Variants in DNAH14 observed in about 807,000 individuals in gnomAD.
DNAH14 encodes axonemal beta dynein heavy chain 14.
Under a neutral mutation model 520.9 loss-of-function variants are expected in DNAH14, and 478 were observed. The ratio of observed to expected loss-of-function variants is 0.92; its 90% CI spans 0.85 to 0.99. The LOEUF is 0.99. Ranked by LOEUF, DNAH14 falls within the 50% of genes least tolerant of loss-of-function variation. The pLI is 0.00. For synonymous variants in DNAH14, 1,581 were observed against 1,757.2 expected, an observed-to-expected ratio of 0.90 and a Z score of 2.51; for missense variants, 4,831 against 5,234.5, an observed-to-expected ratio of 0.92 and a Z score of 2.38.
In DNAH14 at chr1:225,307,342, A is replaced by C. The variant is rs375543785; in HGVS notation, c.9006-119A>C. On this transcript the variant is annotated intron_variant, in intron 58 of 85. Coordinates refer to ENST00000682510, the MANE Select transcript of DNAH14 (RefSeq NM_001367479.1). ...CTTTCAAATAGTGAGCCAGTCTTGC[A>C]TCTCTAGAATAAAATCCATTTGGCC... 17 of 700,232 alleles carry C rather than the reference A, an allele frequency of 2.4e-5. No homozygotes were observed. The African/African-American group carries it at 2.6e-4, about 11-fold the overall frequency. 43.4% of individuals were successfully genotyped at this position (700,232 alleles called of 1,614,324 possible).
intron 81 of DNAH14, among the ~76,000 whole-genome samples, chr1:225,387,997 CA>C (rs1379318985): frequency 6.6e-6 from 1 of 152,042 alleles, no homozygotes; most frequent in African/African-American, 2.4e-5. Context: ...AGGGAGTAGA[CA>C]GTGGGTGGCA....
At chr1:225,156,973 C>T (rs1397527040) in intron 34 of DNAH14, among the ~76,000 whole-genome samples, 1 of 109,334 alleles carries the variant, frequency 9.1e-6, no homozygotes, top group African/African-American at 3.9e-5. Flanking sequence ...CCTCGGCCTC[C>T]CGAAGTGCTG....
chr1:225,182,343 C>T (rs1192832092), intron 36 of DNAH14, among the ~76,000 whole-genome samples: 1 of 151,958 alleles, frequency 6.6e-6, no homozygotes, highest in East Asian at 1.9e-4. Flanking sequence ...CAACTGGCAC[C>T]TTAAAAAAAT....
At chr1:225,044,821 A>T (rs957001887) in intron 15 of DNAH14, among the ~76,000 whole-genome samples, 3 of 152,168 alleles carry the variant, frequency 2.0e-5, no homozygotes, top group African/African-American at 7.2e-5. Context: ...TTTCTTGCTG[A>T]GTAAAATCCA....
In DNAH14 at chr1:225,079,303, A is replaced by G; in HGVS notation, c.2521A>G (p.Ile841Val). The G allele has an allele frequency of 1.3e-6, 2 of 1,549,914 alleles. No individual in the cohort carries two copies. The highest frequency in any genetic ancestry group is 8.7e-7 in the Non-Finnish European group (1 of 1,146,582). The change falls in exon 18 of 86, where the codon ATA becomes GTA. Residue 841 changes from isoleucine (I) to valine (V), a missense_variant. Physicochemically the swap from Ile to Val is conservative, Grantham distance 29 (BLOSUM62 3). Transcript: ENST00000682510. ...TTTTTTGAATGCAATTTCCTCAAAA[A>G]TATCTAAATTAGAAAAAGAGTTCTT... is the stretch of plus-strand genomic sequence containing the variant. Reference protein sequence around the residue: ...FIFLNAISSKISKLEKEFLTM... With the variant: ...FIFLNAISSKVSKLEKEFLTM...
At chr1:225,335,027 CATACATATATACACATATATACATAT>C (rs1382076450) in intron 66 of DNAH14, among the ~76,000 whole-genome samples, 3 of 148,456 alleles carry the variant, frequency 2.0e-5, no homozygotes, top group African/African-American at 7.4e-5. Flanking sequence ...TGTATATATA[CATACATATATACACATATATACATAT>C]GTACATATAT....
chr1:225,317,716 A>C (rs2094491457), intron 60 of DNAH14, among the ~76,000 whole-genome samples: 1 of 152,170 alleles, frequency 6.6e-6, no homozygotes, highest in South Asian at 2.1e-4. Context: ...GTCAATGAAA[A>C]TCTAACCCTC....
chr1:225,185,187 T>G, intron 36 of DNAH14, 104 bp from the exon 37 acceptor site: 1 of 1,254,592 alleles, frequency 8.0e-7, no homozygotes, highest in Non-Finnish European at 1.1e-6. Context: ...ACAAACTCAT[T>G]TATTATAGCC....
In DNAH14 at chr1:225,085,651, T is replaced by G; in HGVS notation, c.3435T>G (p.Pro1145=). The G allele has an allele frequency of 6.4e-7, 1 of 1,551,326 alleles. No homozygotes were observed. Among genetic ancestry groups the G allele is most frequent in the Non-Finnish European group, 8.7e-7 (1 of 1,146,788 alleles). ...FKIIDFWNTT[P]LPLILHHTEI... ...TTATTGATTTTTGGAACACTACTCCTTTGCCTTTAATTCTTCACCACACAG... is the reference window on the plus strand; with the variant it reads ...TTATTGATTTTTGGAACACTACTCCGTTGCCTTTAATTCTTCACCACACAG... Residue 1145 remains proline, a synonymous_variant, in exon 21 of 86, where the codon CCT becomes CCG. Transcript: ENST00000682510.
rs544352277 is a variant in DNAH14, at chr1:225,307,552, G to A, written c.9097G>A (p.Val3033Ile). The A allele has an allele frequency of 1.1e-4, 172 of 1,540,476 alleles. 1 individual carries two copies. In the South Asian group the frequency reaches 1.9e-3, roughly 17 times the overall value. Residue 3033 changes from valine to isoleucine, a missense_variant, in exon 59 of 86, where the codon GTA becomes ATA. Physicochemically the swap from Val to Ile is conservative, Grantham distance 29. Transcript: ENST00000682510. ...QEELLILGPQ[V>I]EQKTKETETL... ...AGAGCTCTTGATTCTTGGCCCTCAA[G>A]TAGAACAAAAAACAAAGGTATGTTT...
chr1:225,041,804 A>G (rs2067505613), intron 12 of DNAH14, among the ~76,000 whole-genome samples: 2 of 152,204 alleles, frequency 1.3e-5, no homozygotes, highest in South Asian at 4.1e-4. Context: ...AGAGTTAGTT[A>G]GAGGTTATTT....
chr1:225,051,926 T>C (rs769963963), intron 17 of DNAH14, 131 bp downstream of exon 17: 24 of 617,826 alleles, frequency 3.9e-5, no homozygotes, highest in Non-Finnish European at 4.6e-5. Context: ...AAAATGAAGA[T>C]ATACATAAAT....
intron 1 of DNAH14, among the ~76,000 whole-genome samples, chr1:224,944,973 G>A (rs1238854576): frequency 1.3e-5 from 2 of 152,096 alleles, no homozygotes; most frequent in African/African-American, 4.8e-5. Flanking sequence ...TATGTGTCTT[G>A]GAGTTGCTCT....
chr1:225,252,981 C>T (rs1414088816), intron 44 of DNAH14, among the ~76,000 whole-genome samples: 1 of 151,986 alleles, frequency 6.6e-6, no homozygotes, highest in Non-Finnish European at 1.5e-5. Context: ...AGAGTTCCTG[C>T]AAATATTAGA....
At chr1:225,015,482 T>C (rs151006354) in intron 10 of DNAH14, among the ~76,000 whole-genome samples, 11 of 152,314 alleles carry the variant, frequency 7.2e-5, no homozygotes, top group Non-Finnish European at 1.6e-4. Context: ...TTTATAGTTT[T>C]GCATGTTTGC....
chr1:224,939,330 T>C (rs2059251134), intron 1 of DNAH14, among the ~76,000 whole-genome samples: 1 of 150,160 alleles, frequency 6.7e-6, no homozygotes, highest in African/African-American at 2.4e-5. Context: ...CTAATCCTTT[T>C]CCCCTATACC....
intron 37 of DNAH14, among the ~76,000 whole-genome samples, chr1:225,189,487 C>A (rs1175313491): frequency 6.6e-6 from 1 of 150,566 alleles, no homozygotes; most frequent in Non-Finnish European, 1.5e-5. Context: ...AATTTATCTA[C>A]CAGTTGTAGT....
rs1558429911 is a variant in DNAH14 at position 225,335,469 on chromosome 1, G to A, written c.10081-1797G>A. 1.8e-4 allele frequency among the ~76,000 whole-genome samples: 17 copies of A among 96,578 alleles called. 1 individual carries two copies. The highest frequency in any genetic ancestry group is 7.3e-4 in the African/African-American group (15 of 20,652). 63.4% of individuals were successfully genotyped at this position (96,578 alleles called of 152,430 possible). Reference sequence around the variant, plus strand: ...TATGCACATATGCACGTGTGTACATGTGTGTGTATGCACATATACACGTGT... The same window carrying A: ...TATGCACATATGCACGTGTGTACATATGTGTGTATGCACATATACACGTGT... On this transcript the variant is annotated intron_variant, in intron 66 of 85. Coordinates refer to ENST00000682510, the MANE Select transcript of DNAH14 (RefSeq NM_001367479.1).
In DNAH14 at chr1:225,080,599, T is replaced by C; in HGVS notation, c.2987T>C (p.Leu996Ser). Residue 996 changes from leucine (L) to serine (S), a missense_variant, in exon 19 of 86, where the codon TTG (leucine) becomes TCG (serine). Physicochemically the swap from Leu to Ser is moderately radical, Grantham distance 145 (BLOSUM62 -2). Coordinates refer to ENST00000682510, the MANE Select transcript of DNAH14 (RefSeq NM_001367479.1). ...GAGATCTCTGACATTGAAGGTGACT[T>C]GACTTTGAGGAAAAAACTATGGGAA... ...LSEISDIEGD[L>S]TLRKKLWEAQ... The C allele has an allele frequency of 6.4e-7, 1 of 1,552,180 alleles. No individual in the cohort carries two copies. Among genetic ancestry groups the C allele is most frequent in the Non-Finnish European group, 8.7e-7 (1 of 1,147,094 alleles).
Sources: allele counts gnomAD v4.1 joint callset (sites outside exome capture counted in the v4.1 genomes callset), GRCh38; gene constraint gnomAD v4.1.1; transcripts MANE v1.5; gene names NCBI Gene and HGNC (gene_info 2026-07-23, HGNC 2026-07-21).